Variants in PRIMA1 observed in about 807,000 individuals in gnomAD.
PRIMA1 encodes the protein proline-rich membrane anchor 1.
Under a neutral mutation model 17.5 loss-of-function variants are expected in PRIMA1, and 7 were observed. That is an observed-to-expected ratio of 0.40 (90% CI 0.23 to 0.75). The LOEUF (loss-of-function observed/expected upper bound fraction) is 0.75, where lower values mean the gene tolerates loss of function less well. Among genes scored for constraint, PRIMA1 ranks in the 30% least tolerant of loss-of-function variants. The pLI, the probability that PRIMA1 is intolerant of heterozygous loss-of-function variation, is 0.37. For missense variants in PRIMA1, 200 were observed against 201.8 expected (o/e 0.99, Z 0.05); for synonymous variants, 97 against 77.9 (o/e 1.25, Z -1.29).
intron 3 of PRIMA1, among the ~76,000 whole-genome samples, chr14:93,772,060 A>G (rs143268518): frequency 2.6e-5 from 4 of 152,384 alleles, no homozygotes; most frequent in African/African-American, 9.6e-5. Flanking sequence ...TGAGGATTAA[A>G]TGAGATGAGG....
chr14:93,744,412 G>C (rs1390556444), intron 3 of PRIMA1, among the ~76,000 whole-genome samples: 1 of 152,246 alleles, frequency 6.6e-6, no homozygotes, highest in Non-Finnish European at 1.5e-5. Context: ...GCGGAGGCCG[G>C]TGCCAGGGCG....
intron 2 of PRIMA1, among the ~76,000 whole-genome samples, chr14:93,780,843 C>G (rs963485028): frequency 6.6e-6 from 1 of 152,212 alleles, no homozygotes; most frequent in Non-Finnish European, 1.5e-5. Context: ...TTTAAAAGCA[C>G]AAAGAGTTGC....
At chr14:93,752,458 G>A (rs753033569) in intron 3 of PRIMA1, among the ~76,000 whole-genome samples, 1 of 152,102 alleles carries the variant, frequency 6.6e-6, no homozygotes, top group Non-Finnish European at 1.5e-5. Context: ...CAGCAGCCAC[G>A]TGGCTTGTTG....
chr14:93,738,058 C>T (rs2076162597), intron 3 of PRIMA1, among the ~76,000 whole-genome samples: 1 of 152,166 alleles, frequency 6.6e-6, no homozygotes, highest in Non-Finnish European at 1.5e-5. Flanking sequence ...GACTTTCTCC[C>T]TTCTTGGATT....
At chr14:93,748,009 A>T (rs572005506) in intron 3 of PRIMA1, among the ~76,000 whole-genome samples, 1 of 142,312 alleles carries the variant, frequency 7.0e-6, no homozygotes, top group South Asian at 2.3e-4. Context: ...AGTGTATATG[A>T]GTGTGTGAGA....
At chr14:93,760,140 C>G (rs1302968948) in intron 3 of PRIMA1, among the ~76,000 whole-genome samples, 2 of 152,242 alleles carry the variant, frequency 1.3e-5, no homozygotes, top group Non-Finnish European at 2.9e-5. Flanking sequence ...GGGAACAAAA[C>G]AAGGCAACGT....
At chr14:93,788,858 C>T (rs1223423811), upstream of PRIMA1, among the ~76,000 whole-genome samples, 1 of 152,018 alleles carries the variant, frequency 6.6e-6, no homozygotes, top group Non-Finnish European at 1.5e-5. Flanking sequence ...CTCCCCGGGC[C>T]CGCGTTGGCT....
At chr14:93,780,089 C>T (rs1228493798) in intron 2 of PRIMA1, among the ~76,000 whole-genome samples, 1 of 152,236 alleles carries the variant, frequency 6.6e-6, no homozygotes, top group African/African-American at 2.4e-5. Context: ...ATCTCTCTGC[C>T]CTCATTCTCT....
chr14:93,724,363 C>T (rs2076061374), intron 4 of PRIMA1, among the ~76,000 whole-genome samples: 1 of 152,228 alleles, frequency 6.6e-6, no homozygotes, highest in African/African-American at 2.4e-5. Context: ...TCTCTGGAAA[C>T]TCTGGGTTTA....
rs183781566 is a variant in PRIMA1, at chr14:93,760,799, C to G, written c.229+18377G>C. ...AGCAAACACTTGTTGGCCTCACTTT[C>G]TCATCTTCCTTCACACTACATCTGG... On this transcript the variant is annotated intron_variant, in intron 3 of 4. Transcript: ENST00000393140. Among the ~76,000 whole-genome samples the G allele has an allele frequency of 9.2e-5, 14 of 152,312 alleles. No individual in the cohort carries two copies. In the East Asian group the frequency reaches 2.7e-3, roughly 29 times the overall value.
intron 3 of PRIMA1, among the ~76,000 whole-genome samples, chr14:93,762,538 C>T (rs1884764905): frequency 6.6e-6 from 1 of 152,100 alleles, no homozygotes; most frequent in African/African-American, 2.4e-5. Context: ...AGTAGGCTCC[C>T]ATCCGGAACC....
chr14:93,760,699 G>T (rs539155083), intron 3 of PRIMA1, among the ~76,000 whole-genome samples: 1 of 152,334 alleles, frequency 6.6e-6, no homozygotes, highest in African/African-American at 2.4e-5. Context: ...CTGGTGCACA[G>T]GAGGTGCTCA....
intron 2 of PRIMA1, among the ~76,000 whole-genome samples, chr14:93,784,880 G>T (rs1425919984): frequency 1.3e-5 from 2 of 152,144 alleles, no homozygotes; most frequent in Non-Finnish European, 1.5e-5. Flanking sequence ...TAAGCCCCTT[G>T]CACTTAACAA....
chr14:93,767,711 C>T (rs1015195401), intron 3 of PRIMA1, among the ~76,000 whole-genome samples: 2 of 152,204 alleles, frequency 1.3e-5, no homozygotes, highest in Non-Finnish European at 2.9e-5. Context: ...GGGCCACACC[C>T]TCCGAGCACC....
intron 3 of PRIMA1, among the ~76,000 whole-genome samples, chr14:93,739,510 T>G (rs1365923559): frequency 6.6e-6 from 1 of 152,174 alleles, no homozygotes; most frequent in Non-Finnish European, 1.5e-5. Context: ...ACGGCTGGGT[T>G]GTGTGGTGTG....
rs912614482 is a variant in PRIMA1 at position 93,768,680 on chromosome 14, A to AT, written c.229+10495dup. On this transcript the variant is annotated intron_variant, in intron 3 of 4. Coordinates refer to ENST00000393140, the MANE Select transcript of PRIMA1 (RefSeq NM_178013.4). The stretch of plus-strand genomic sequence containing the variant: ...GTAAAGGTTTGTTGAGTAAATTAAA[A>AT]TATGTATAAACTTGCAAGCTTTGAT... 1.4e-4 allele frequency among the ~76,000 whole-genome samples: 22 copies of AT among 152,236 alleles called. 1 individual carries two copies. Among genetic ancestry groups the AT allele is most frequent in the Admixed American group, 6.5e-5 (1 of 15,288 alleles).
chr14:93,787,853 C>G, intron 1 of PRIMA1, 104 bp from the exon 2 acceptor site: 3 of 1,327,086 alleles, frequency 2.3e-6, no homozygotes, highest in Non-Finnish European at 3.0e-6. Context: ...ACGCCCCGCA[C>G]CCAGGGGCAC....
intron 3 of PRIMA1, among the ~76,000 whole-genome samples, chr14:93,778,786 G>A (rs1453422253): frequency 1.3e-5 from 2 of 152,156 alleles, no homozygotes; most frequent in Admixed American, 1.3e-4. Flanking sequence ...ACTGACTTTG[G>A]TTCTACCCTA....
Position 93,719,946 on chromosome 14 carries a change from T to C in PRIMA1, c.*1498A>G, listed in dbSNP as rs1005208720. The C allele has an allele frequency of 1.3e-5, 2 of 152,180 alleles. No individual in the cohort carries two copies. The highest frequency in any genetic ancestry group is 4.8e-5 in the African/African-American group (2 of 41,416). 9.4% of individuals were successfully genotyped at this position (152,180 alleles called of 1,614,324 possible). A position where few individuals can be genotyped will look rare whatever the true frequency, so the allele number is the denominator to read the frequency against. On this transcript the variant is annotated 3_prime_UTR_variant, in exon 5 of 5. Transcript: ENST00000393140. ...CGTGGGCACTAGGACTCTGGGACAA[T>C]GGGCTTTTTAAGGTTCGGCCCAAAT...
Sources: allele counts gnomAD v4.1 joint callset (sites outside exome capture counted in the v4.1 genomes callset), GRCh38; gene constraint gnomAD v4.1.1; transcripts MANE v1.5; gene names NCBI Gene and HGNC (gene_info 2026-07-23, HGNC 2026-07-21).